ARHGAP17: variants seen among roughly 807,000 people sequenced by gnomAD.
ARHGAP17 encodes rho GTPase-activating protein 17.
In ARHGAP17, 57 loss-of-function variants were observed where a neutral mutation model predicts 99.5. The ratio of observed to expected loss-of-function variants is 0.57; its 90% CI spans 0.46 to 0.71. The LOEUF (loss-of-function observed/expected upper bound fraction) is 0.71, where lower values mean the gene tolerates loss of function less well. Among genes scored for constraint, ARHGAP17 ranks in the 30% least tolerant of loss-of-function variants. ARHGAP17 has a pLI of 0.00. For missense variants in ARHGAP17, 1,000 were observed against 1,122.4 expected (o/e 0.89, Z 1.56); for synonymous variants, 417 against 429.6 (o/e 0.97, Z 0.36).
chr16:24,921,406 G>A (rs890698920), intron 19 of ARHGAP17, among the ~76,000 whole-genome samples: 3 of 152,170 alleles, frequency 2.0e-5, no homozygotes, highest in African/African-American at 7.2e-5. Context: ...GTGGTTTGTG[G>A]GGGCGTTTCA....
intron 3 of ARHGAP17, among the ~76,000 whole-genome samples, chr16:24,973,952 C>T (rs567248028): frequency 2.0e-5 from 3 of 152,120 alleles, no homozygotes; most frequent in East Asian, 3.9e-4. Context: ...AGGGTGTGAA[C>T]GGGAAGCAGC....
At chr16:24,961,968 G>GTTTTT (rs771302588) in intron 7 of ARHGAP17, among the ~76,000 whole-genome samples, 1,348 of 105,612 alleles carry the variant, frequency 0.013, 32 homozygotes, top group African/African-American at 0.051. Flanking sequence ...TGTAGAGAGA[G>GTTTTT]TTTGTTTTTT....
Position 24,955,739 on chromosome 16 carries a change from G to T in ARHGAP17, c.725-1009C>A. The T allele has an allele frequency of 6.6e-6, 1 of 152,350 alleles. No individual in the cohort carries two copies. Among genetic ancestry groups the T allele is most frequent in the Non-Finnish European group, 1.5e-5 (1 of 68,084 alleles). 9.4% of individuals were successfully genotyped at this position (152,350 alleles called of 1,614,324 possible). On this transcript the variant is annotated intron_variant, in intron 9 of 19. Coordinates refer to ENST00000289968, the MANE Select transcript of ARHGAP17 (RefSeq NM_001006634.3). This position sits in a 1 kb window ranked among gnomAD's most constrained non-coding sequence, Gnocchi z 4.0. ...GTTGGAAGAAGGCAGTATGTACTCT[G>T]GTGTGTCCTCTTACACTCTCTCCCA...
At position 25,015,064 on chromosome 16, in the gene ARHGAP17, C is replaced by G; in HGVS notation, c.53+145G>C. 7.4e-6 allele frequency: 6 copies of G among 809,344 alleles called. No individual in the cohort carries two copies. In the South Asian group the frequency reaches 3.5e-4, roughly 47 times the overall value. The allele number at this position is 809,344 out of a possible 1,614,324, so 50.1% of individuals were successfully genotyped here. On this transcript the variant is annotated intron_variant, in intron 1 of 19. Coordinates refer to ENST00000289968, the MANE Select transcript of ARHGAP17 (RefSeq NM_001006634.3). ...CGCTCGGGCCTCAGCGCGGCGCAGC[C>G]CCCGGGCCCGTGCCCCGCTGGTCTC...
At position 25,001,485 on chromosome 16, in the gene ARHGAP17, A is replaced by G. The variant is rs1255506176; in HGVS notation, c.53+13724T>C. ...TCCCAACTCAATCAAAATCCTAAATAATTTTTTCTAGAAACTAGAGAAGAT... is the reference window on the plus strand; with the variant it reads ...TCCCAACTCAATCAAAATCCTAAATGATTTTTTCTAGAAACTAGAGAAGAT... On this transcript the variant is annotated intron_variant, in intron 1 of 19. Transcript: ENST00000289968. Among the ~76,000 whole-genome samples the G allele has an allele frequency of 3.3e-5, 5 of 152,308 alleles. No individual in the cohort carries two copies. In the South Asian group the frequency reaches 6.2e-4, roughly 19 times the overall value.
rs555450620 is a variant in ARHGAP17, at chr16:24,955,486, C to T, written c.725-756G>A. The T allele has an allele frequency of 2.0e-5, 3 of 152,224 alleles. No homozygotes were observed. The highest frequency in any genetic ancestry group is 4.4e-5 in the Non-Finnish European group (3 of 68,048). 9.4% of individuals were successfully genotyped at this position (152,224 alleles called of 1,614,324 possible). A position where few individuals can be genotyped will look rare whatever the true frequency, so the allele number is the denominator to read the frequency against. On this transcript the variant is annotated intron_variant, in intron 9 of 19. Coordinates refer to ENST00000289968, the MANE Select transcript of ARHGAP17 (RefSeq NM_001006634.3). This position sits in a 1 kb window ranked among gnomAD's most constrained non-coding sequence, Gnocchi z 4.0. ...TAGAAAGAAGAATTTAGAGAACGGA[C>T]ATATGAATTAGAATAAGAAGTATCT...
intron 14 of ARHGAP17, among the ~76,000 whole-genome samples, chr16:24,944,105 T>A (rs565291695): frequency 6.6e-6 from 1 of 151,888 alleles, no homozygotes; most frequent in African/African-American, 2.4e-5. Flanking sequence ...ACCCCGTCTG[T>A]ACTAAAAATA....
At position 25,015,286 on chromosome 16, in the gene ARHGAP17, C is replaced by G; in HGVS notation, c.-25G>C. ...TGGCGGCGGTGGCGGCGGCGGCCCG[C>G]GGGGCTCGGGCCGGGCAGGGCGGGG... On this transcript the variant is annotated 5_prime_UTR_variant, in exon 1 of 20. Coordinates refer to ENST00000289968, the MANE Select transcript of ARHGAP17 (RefSeq NM_001006634.3). 7.5e-7 allele frequency: 1 copy of G among 1,324,898 alleles called. No individual in the cohort carries two copies. The highest frequency in any genetic ancestry group is 9.7e-7 in the Non-Finnish European group (1 of 1,028,108). 82.1% of individuals were successfully genotyped at this position (1,324,898 alleles called of 1,614,324 possible).
chr16:24,927,640 C>G, intron 19 of ARHGAP17: 1 of 1,078,524 alleles, frequency 9.3e-7, no homozygotes, highest in South Asian at 1.8e-5. Flanking sequence ...ATATGATCAT[C>G]AAGTAGCAAA....
chr16:24,923,559 AAG>A (rs1174429300), intron 19 of ARHGAP17, among the ~76,000 whole-genome samples: 1 of 151,990 alleles, frequency 6.6e-6, no homozygotes, highest in Non-Finnish European at 1.5e-5. Flanking sequence ...CCGTCTCTAT[AAG>A]AAAAACACAA....
At chr16:25,007,281 T>G (rs2053532502) in intron 1 of ARHGAP17, among the ~76,000 whole-genome samples, 1 of 152,222 alleles carries the variant, frequency 6.6e-6, no homozygotes, top group Admixed American at 6.5e-5. Flanking sequence ...AAAGAACATA[T>G]AGTGTGTATG....
chr16:24,925,470 T>C (rs1194799288), intron 19 of ARHGAP17, among the ~76,000 whole-genome samples: 4 of 152,218 alleles, frequency 2.6e-5, no homozygotes, highest in Non-Finnish European at 5.9e-5. Flanking sequence ...TGTAATTTTA[T>C]CAGGAACTGA....
At chr16:24,958,515 A>G (rs1262673031) in intron 9 of ARHGAP17, among the ~76,000 whole-genome samples, 2 of 152,200 alleles carry the variant, frequency 1.3e-5, no homozygotes, top group African/African-American at 2.4e-5. Context: ...TCCTCCATGA[A>G]CTAATAATCT....
intron 1 of ARHGAP17, among the ~76,000 whole-genome samples, chr16:25,009,011 G>C (rs573391269): frequency 6.6e-6 from 1 of 152,224 alleles, no homozygotes; most frequent in African/African-American, 2.4e-5. Context: ...AATCCACTCA[G>C]ATTGAAGCAA....
chr16:24,960,064 G>C, intron 7 of ARHGAP17, 85 bp from the exon 8 acceptor site: 1 of 1,303,254 alleles, frequency 7.7e-7, no homozygotes, highest in Non-Finnish European at 1.1e-6. Context: ...TGAGCTCTTA[G>C]ATGAAAAAGT....
Position 24,977,328 on chromosome 16 carries a change from G to A in ARHGAP17, c.94-9C>T. ...TCCAGGCGTCTCTCAATCTGACAAG[G>A]CAGAGACAAAAGAGAACAAATTCAT... On this transcript the variant is annotated splice_polypyrimidine_tract_variant and intron_variant, in intron 2 of 19. Transcript: ENST00000289968. 6.4e-7 allele frequency: 1 copy of A among 1,571,038 alleles called. No individual in the cohort carries two copies. Among genetic ancestry groups the A allele is most frequent in the Non-Finnish European group, 8.7e-7 (1 of 1,150,232 alleles).
At chr16:24,957,409 A>C (rs1432774109) in intron 9 of ARHGAP17, 1 of 152,320 alleles carries the variant, frequency 6.6e-6, no homozygotes, top group Non-Finnish European at 1.5e-5. Context: ...GGTGGGAGAG[A>C]ACAGAGGTGC....
intron 3 of ARHGAP17, among the ~76,000 whole-genome samples, chr16:24,974,660 A>C (rs2052464756): frequency 6.6e-6 from 1 of 152,088 alleles, no homozygotes; most frequent in Non-Finnish European, 1.5e-5. Flanking sequence ...GATCAGGTTG[A>C]AGACAGACTG....
chr16:24,989,381 AG>A (rs1185785848), intron 1 of ARHGAP17, among the ~76,000 whole-genome samples: 1 of 152,246 alleles, frequency 6.6e-6, no homozygotes, highest in Non-Finnish European at 1.5e-5. Context: ...CAGCCCTGGC[AG>A]GGGCCTATTG....
Sources: gnomAD v4.1 joint callset for allele counts (sites outside exome capture counted in the v4.1 genomes callset) on GRCh38, gnomAD v4.1.1 for gene constraint, Gnocchi (gnomAD v3.1) non-coding constraint, MANE v1.5 for transcripts, NCBI Gene and HGNC (gene_info 2026-07-23, HGNC 2026-07-21) for gene names.